The following ZFHX3 variants were observed in gnomAD, a reference collection of about 807,000 sequenced individuals.
ZFHX3 encodes the protein zinc finger homeobox protein 3.
ZFHX3 carries 42 observed loss-of-function variants against 279.1 expected under a neutral mutation model. The ratio of observed to expected loss-of-function variants is 0.15; its 90% CI spans 0.12 to 0.19. The LOEUF is 0.19. ZFHX3 is among the 10% of genes least tolerant of loss of function. ZFHX3 has a pLI of 1.00. For missense variants in ZFHX3, 4,981 were observed against 4,754.0 expected (o/e 1.05, Z -1.40); for synonymous variants, 2,293 against 1,957.8 (o/e 1.17, Z -4.52).
At chr16:73,379,163 A>C (rs945820850) in intron 3 of ZFHX3, among the ~76,000 whole-genome samples, 2 of 152,104 alleles carry the variant, frequency 1.3e-5, no homozygotes, top group Admixed American at 6.5e-5. Flanking sequence ...TTTTTACTGA[A>C]TTTTCAGATG....
intron 2 of ZFHX3, among the ~76,000 whole-genome samples, chr16:73,523,086 A>AC (rs1198564406): frequency 1.3e-5 from 2 of 152,056 alleles, no homozygotes; most frequent in Non-Finnish European, 2.9e-5. Context: ...ACACAGCCAA[A>AC]CCATATCACA....
Position 73,723,330 on chromosome 16 carries a change from C to T in ZFHX3, c.-1607-43090G>A, listed in dbSNP as rs998367025. Among the ~76,000 whole-genome samples the T allele has an allele frequency of 2.0e-5, 3 of 152,150 alleles. No homozygotes were observed. In the East Asian group the frequency reaches 5.8e-4, roughly 29 times the overall value. Reference sequence around the variant, plus strand: ...GATATTCAGAAGGTAGATTCTTCAGCTATAATGATATTGATTCCAGTGCTG... The same window carrying T: ...GATATTCAGAAGGTAGATTCTTCAGTTATAATGATATTGATTCCAGTGCTG... On this transcript the variant is annotated intron_variant, in intron 1 of 17. Coordinates refer to the ZFHX3 transcript ENST00000641206.
chr16:73,251,244 T>G (rs191357313), intron 5 of ZFHX3, among the ~76,000 whole-genome samples: 1 of 152,156 alleles, frequency 6.6e-6, no homozygotes, highest in African/African-American at 2.4e-5. Flanking sequence ...GTACTATGGG[T>G]ACTAACTCAC....
chr16:72,890,627 A>C lies in ZFHX3; in HGVS notation c.3217-665T>G, dbSNP rs563606690. On this transcript the variant is annotated intron_variant, in intron 3 of 9. Coordinates refer to ENST00000268489, the MANE Select transcript of ZFHX3 (RefSeq NM_006885.4). ...CCATGTGGCTTTTCAGAATGTTGAT[A>C]ATCCTGATCACATGGGCCCTCCCAG... 3.1e-4 allele frequency among the ~76,000 whole-genome samples: 47 copies of C among 152,240 alleles called. 1 individual carries two copies. The East Asian group carries it at 9.1e-3, about 30-fold the overall frequency.
intron 1 of ZFHX3, among the ~76,000 whole-genome samples, chr16:73,869,185 T>C (rs1028286037): frequency 2.6e-5 from 4 of 152,210 alleles, no homozygotes; most frequent in Non-Finnish European, 5.9e-5. Flanking sequence ...TGAAACACAG[T>C]TGGTCGCAGA....
At chr16:72,821,674 C>A (rs2036795419) in intron 5 of ZFHX3, among the ~76,000 whole-genome samples, 1 of 152,214 alleles carries the variant, frequency 6.6e-6, no homozygotes, top group African/African-American at 2.4e-5. Context: ...CACATCCTGG[C>A]TGTGTGACCT....
At chr16:73,263,652 C>T (rs981462473) in intron 4 of ZFHX3, among the ~76,000 whole-genome samples, 3 of 152,186 alleles carry the variant, frequency 2.0e-5, no homozygotes, top group Non-Finnish European at 2.9e-5. Flanking sequence ...CACAGACCAT[C>T]GTCCTTCTGC....
intron 3 of ZFHX3, among the ~76,000 whole-genome samples, chr16:73,347,402 C>T (rs1256593307): frequency 1.3e-5 from 2 of 152,222 alleles, no homozygotes; most frequent in African/African-American, 4.8e-5. Flanking sequence ...GTCGTGGAAA[C>T]ACACTTTGTG....
At chr16:73,819,258 G>A (rs550912723) in intron 1 of ZFHX3, among the ~76,000 whole-genome samples, 2 of 151,686 alleles carry the variant, frequency 1.3e-5, no homozygotes, top group South Asian at 4.2e-4. Flanking sequence ...GGGCTGGATA[G>A]TTCTTTGTTG....
chr16:73,871,014 G>T (rs1431979585), intron 1 of ZFHX3, among the ~76,000 whole-genome samples: 1 of 152,266 alleles, frequency 6.6e-6, no homozygotes, highest in Non-Finnish European at 1.5e-5. Flanking sequence ...ATGTACCAGG[G>T]AGCTGTAGAT....
intron 3 of ZFHX3, among the ~76,000 whole-genome samples, chr16:73,364,328 A>G (rs975839495): frequency 2.7e-5 from 4 of 150,156 alleles, no homozygotes; most frequent in Non-Finnish European, 5.9e-5. Flanking sequence ...TTTACATTTT[A>G]TAATAAATTC....
rs550897814 is a variant in ZFHX3, at chr16:73,538,392, A to G, written c.-1546-82134T>C. On this transcript the variant is annotated intron_variant, in intron 2 of 17. Transcript: ENST00000641206. ...AAGTCACCCTCTACTTGAGTAATCA[A>G]CCTCAATTTCAGCTCTGAAGGTATC... 1.4e-3 allele frequency among the ~76,000 whole-genome samples: 211 copies of G among 152,266 alleles called. 3 individuals carry two copies. Among genetic ancestry groups the G allele is most frequent in the Non-Finnish European group, 2.1e-4 (14 of 68,020 alleles).
intron 2 of ZFHX3, among the ~76,000 whole-genome samples, chr16:73,638,697 T>C (rs1597040853): frequency 6.6e-6 from 1 of 152,222 alleles, no homozygotes; most frequent in Non-Finnish European, 1.5e-5. Flanking sequence ...TTTGACTGAT[T>C]GCTCTTTGAG....
At chr16:73,869,923 A>C (rs1962119596) in intron 1 of ZFHX3, among the ~76,000 whole-genome samples, 1 of 152,250 alleles carries the variant, frequency 6.6e-6, no homozygotes, top group Admixed American at 6.5e-5. Context: ...GGAACAAAGC[A>C]GATGCTCAAT....
At chr16:72,845,870 C>G (rs1479896325) in intron 4 of ZFHX3, among the ~76,000 whole-genome samples, 1 of 152,204 alleles carries the variant, frequency 6.6e-6, no homozygotes, top group East Asian at 1.9e-4. Flanking sequence ...AGATGAGGCT[C>G]AGAGAGGTTA....
intron 3 of ZFHX3, among the ~76,000 whole-genome samples, chr16:73,319,529 C>T (rs560643891): frequency 8.6e-5 from 13 of 151,806 alleles, no homozygotes; most frequent in Admixed American, 2.6e-4. Flanking sequence ...CATGGAGTCC[C>T]GCTGGGGGAA....
At chr16:73,172,931 G>GTTTTTTT (rs376709821) in intron 5 of ZFHX3, among the ~76,000 whole-genome samples, 5 of 97,146 alleles carry the variant, frequency 5.1e-5, no homozygotes, top group Admixed American at 1.3e-4. Context: ...GCTGCCTGTG[G>GTTTTTTT]TTTTTTTTTT....
intron 5 of ZFHX3, among the ~76,000 whole-genome samples, chr16:73,244,018 G>C (rs529254172): frequency 6.6e-6 from 1 of 152,268 alleles, no homozygotes; most frequent in South Asian, 2.1e-4. Flanking sequence ...CTGATGGCCA[G>C]GAGCCCTTGG....
At chr16:73,223,751 C>T (rs13330512) in intron 5 of ZFHX3, among the ~76,000 whole-genome samples, 4 of 152,148 alleles carry the variant, frequency 2.6e-5, no homozygotes, top group African/African-American at 9.7e-5. Context: ...AACCTGCACA[C>T]AGATGTTTAT....
Sources: gnomAD v4.1 joint callset for allele counts (sites outside exome capture counted in the v4.1 genomes callset) on GRCh38, gnomAD v4.1.1 for gene constraint, MANE v1.5 for transcripts, NCBI Gene and HGNC (gene_info 2026-07-23, HGNC 2026-07-21) for gene names.